ADCY9: variants seen among roughly 807,000 people sequenced by gnomAD.
ADCY9 encodes the protein adenylate cyclase type 9.
ADCY9 carries 50 observed loss-of-function variants against 101.5 expected under a neutral mutation model. The ratio of observed to expected loss-of-function variants is 0.49; its 90% CI spans 0.39 to 0.62. The LOEUF (loss-of-function observed/expected upper bound fraction) is 0.62. ADCY9 is among the 20% of genes least tolerant of loss of function. The probability of loss-of-function intolerance (pLI) is 0.00; values close to 1 mark genes in which losing one functional copy is unlikely to be tolerated. For missense variants in ADCY9, 1,662 were observed against 1,800.4 expected (o/e 0.92, Z 1.39); for synonymous variants, 905 against 769.3 (o/e 1.18, Z -2.92).
At chr16:4,105,332 G>A (rs182709276) in intron 2 of ADCY9, among the ~76,000 whole-genome samples, 22 of 152,080 alleles carry the variant, frequency 1.4e-4, no homozygotes, top group African/African-American at 4.8e-4. Flanking sequence ...TATAAATAAT[G>A]CACATAAGCC....
chr16:4,029,856 C>G (rs1206190654), intron 2 of ADCY9, among the ~76,000 whole-genome samples: 1 of 152,076 alleles, frequency 6.6e-6, no homozygotes, highest in Non-Finnish European at 1.5e-5. Context: ...AAGAGCCAAC[C>G]CAGGTGGCCA....
chr16:3,987,532 C>T (rs1427351871), intron 6 of ADCY9, among the ~76,000 whole-genome samples: 1 of 152,228 alleles, frequency 6.6e-6, no homozygotes, highest in Non-Finnish European at 1.5e-5. Flanking sequence ...TACAGCATTG[C>T]TATGAGCATT....
chr16:4,011,220 G>A (rs1458792468), intron 2 of ADCY9, among the ~76,000 whole-genome samples: 1 of 152,188 alleles, frequency 6.6e-6, no homozygotes, highest in Non-Finnish European at 1.5e-5. Flanking sequence ...CCTCTACAGA[G>A]GTGGCCTGCA....
At chr16:4,033,648 C>G (rs2056571069) in intron 2 of ADCY9, among the ~76,000 whole-genome samples, 2 of 152,090 alleles carry the variant, frequency 1.3e-5, no homozygotes, top group Non-Finnish European at 2.9e-5. Context: ...ATCTCCTGAC[C>G]TTGTGATCCA....
chr16:3,999,519 C>T (rs116699977), intron 3 of ADCY9, among the ~76,000 whole-genome samples: 112 of 151,926 alleles, frequency 7.4e-4, no homozygotes, highest in African/African-American at 2.6e-3. Context: ...CTCTCCTGGG[C>T]CTTGTTTCCC....
intron 2 of ADCY9, among the ~76,000 whole-genome samples, chr16:4,020,352 T>G (rs1164218411): frequency 6.6e-6 from 1 of 152,220 alleles, no homozygotes; most frequent in African/African-American, 2.4e-5. Context: ...AAGTTCTTTT[T>G]TACCTTTATT....
chr16:3,978,375 C>T (rs756440358), intron 8 of ADCY9, among the ~76,000 whole-genome samples: 1 of 152,212 alleles, frequency 6.6e-6, no homozygotes, highest in Non-Finnish European at 1.5e-5. Flanking sequence ...GGATCATCTC[C>T]CACGGCCGTG....
intron 3 of ADCY9, among the ~76,000 whole-genome samples, chr16:3,998,019 G>A (rs56387835): frequency 0.09 from 13,672 of 152,142 alleles, 804 homozygotes; most frequent in Admixed American, 0.13. Context: ...GCTTGGACCC[G>A]GGAGGCGGAG....
intron 2 of ADCY9, among the ~76,000 whole-genome samples, chr16:4,027,388 C>T (rs182384656): frequency 6.6e-6 from 1 of 152,356 alleles, no homozygotes; most frequent in Non-Finnish European, 1.5e-5. Flanking sequence ...GTGTATTAGT[C>T]TGTTTTCACA....
At chr16:3,990,953 C>T (rs998377780) in intron 5 of ADCY9, among the ~76,000 whole-genome samples, 1 of 152,212 alleles carries the variant, frequency 6.6e-6, no homozygotes, top group African/African-American at 2.4e-5. Flanking sequence ...GCACCCGCCA[C>T]CACGCCCAGC....
intron 2 of ADCY9, among the ~76,000 whole-genome samples, chr16:4,103,762 C>T (rs1165268608): frequency 2.6e-5 from 4 of 151,994 alleles, no homozygotes; most frequent in Admixed American, 6.6e-5. Context: ...ACCCAGGAGG[C>T]GGAGGTTGCA....
At chr16:3,985,908 TGC>T (rs1182097543) in intron 6 of ADCY9, among the ~76,000 whole-genome samples, 1 of 151,536 alleles carries the variant, frequency 6.6e-6, no homozygotes, top group African/African-American at 2.4e-5. Flanking sequence ...ATCCCGGGAG[TGC>T]CACCTGTCCC....
At chr16:3,990,143 C>G (rs1477461064) in intron 5 of ADCY9, among the ~76,000 whole-genome samples, 2 of 152,164 alleles carry the variant, frequency 1.3e-5, no homozygotes, top group East Asian at 3.8e-4. Flanking sequence ...GTGTTAGCCT[C>G]TCTCCCTCAT....
intron 2 of ADCY9, among the ~76,000 whole-genome samples, chr16:4,012,141 C>G (rs144039963): frequency 6.6e-6 from 1 of 152,184 alleles, no homozygotes. Context: ...TAACATGATC[C>G]TACTAGCTTT....
At chr16:4,078,466 G>A (rs2056881441) in intron 2 of ADCY9, among the ~76,000 whole-genome samples, 1 of 151,614 alleles carries the variant, frequency 6.6e-6, no homozygotes, top group Admixed American at 6.6e-5. Flanking sequence ...GGGAGGCTGA[G>A]GTGGGAAGAT....
intron 2 of ADCY9, among the ~76,000 whole-genome samples, chr16:4,008,046 G>C (rs77208673): frequency 0.054 from 8,247 of 151,966 alleles, 393 homozygotes; most frequent in African/African-American, 0.13. Context: ...CGAAAAACAA[G>C]ACCCTACCAG....
intron 2 of ADCY9, among the ~76,000 whole-genome samples, chr16:4,077,609 C>G (rs1265666437): frequency 6.6e-6 from 1 of 152,028 alleles, no homozygotes; most frequent in Non-Finnish European, 1.5e-5. Context: ...ACCTTTCAGT[C>G]CAATTTTTTA....
intron 6 of ADCY9, among the ~76,000 whole-genome samples, chr16:3,984,622 G>A (rs751560523): frequency 6.6e-6 from 1 of 152,216 alleles, no homozygotes; most frequent in East Asian, 1.9e-4. Context: ...GGCATGGACC[G>A]GTTGACTCCT....
rs1237487191 is a variant in ADCY9, at chr16:3,966,584, G to A, written c.3253C>T (p.Leu1085Phe). The A allele has an allele frequency of 6.2e-7, 1 of 1,614,200 alleles. No homozygotes were observed. The highest frequency in any genetic ancestry group is 2.2e-5 in the East Asian group (1 of 44,886). The change falls in exon 11 of 11, where the codon CTC becomes TTC. Residue 1085 changes from leucine to phenylalanine, a missense_variant. This residue lies in a region of ADCY9 where 220 missense variants were observed against 312.9 expected (regional missense o/e 0.70). Transcript: ENST00000294016. ...TCAAAGTCCCCGATGAGCTCGTTGA[G>A]GACCCGGTAGCACTCCTTGCCGCCC... ...YEGGKECYRV[L>F]NELIGDFDEL...
Sources: gnomAD v4.1 joint callset for allele counts (sites outside exome capture counted in the v4.1 genomes callset) on GRCh38, gnomAD v4.1.1 for gene constraint, gnomAD v4.1.1 regional missense constraint, MANE v1.5 for transcripts, NCBI Gene and HGNC (gene_info 2026-07-23, HGNC 2026-07-21) for gene names.